Variants in KCNAB1 observed in about 807,000 individuals in gnomAD.
KCNAB1 encodes the protein voltage-gated potassium channel subunit beta-1.
Under a neutral mutation model 64.6 loss-of-function variants are expected in KCNAB1, and 35 were observed. The observed-to-expected ratio is 0.54, with a 90% CI of 0.41 to 0.72. The LOEUF (loss-of-function observed/expected upper bound fraction) is 0.72. KCNAB1 is among the 30% of genes least tolerant of loss of function. The probability of loss-of-function intolerance (pLI) is 0.00; values close to 1 mark genes in which losing one functional copy is unlikely to be tolerated. For synonymous variants in KCNAB1, 177 were observed against 183.8 expected, an observed-to-expected ratio of 0.96 and a Z score of 0.30; for missense variants, 401 against 512.9, an observed-to-expected ratio of 0.78 and a Z score of 2.11.
At chr3:156,129,897 T>C (rs1450638034) in intron 1 of KCNAB1, among the ~76,000 whole-genome samples, 1 of 152,204 alleles carries the variant, frequency 6.6e-6, no homozygotes, top group Non-Finnish European at 1.5e-5. Flanking sequence ...TTTTCATTCA[T>C]ACCCTGATTT....
At chr3:156,517,119 G>A (rs577693569) in intron 11 of KCNAB1, among the ~76,000 whole-genome samples, 71 of 152,272 alleles carry the variant, frequency 4.7e-4, no homozygotes, top group African/African-American at 1.7e-3. Context: ...GAGAATACAG[G>A]CATTTAAAAA....
At chr3:156,533,639 T>C (rs1718854072) in intron 13 of KCNAB1, among the ~76,000 whole-genome samples, 1 of 151,940 alleles carries the variant, frequency 6.6e-6, no homozygotes, top group Admixed American at 6.6e-5. Context: ...TAAAGTAGAA[T>C]GAAGGGCAAG....
intron 1 of KCNAB1, among the ~76,000 whole-genome samples, chr3:156,288,821 A>C (rs1720235850): frequency 6.6e-6 from 1 of 152,240 alleles, no homozygotes. Flanking sequence ...CACTCCTTTC[A>C]AGTGAGCTGG....
intron 8 of KCNAB1, among the ~76,000 whole-genome samples, chr3:156,491,415 C>T (rs1363766636): frequency 6.6e-6 from 1 of 151,914 alleles, no homozygotes; most frequent in African/African-American, 2.4e-5. Flanking sequence ...ATTTGGAGCT[C>T]GGCTGTAGCT....
chr3:156,248,879 C>T (rs533197855), intron 1 of KCNAB1, among the ~76,000 whole-genome samples: 34 of 152,124 alleles, frequency 2.2e-4, no homozygotes, highest in Admixed American at 7.2e-4. Context: ...TCCAGGTGGC[C>T]GAGTGTAGAG....
At chr3:156,165,406 T>G (rs534576070) in intron 1 of KCNAB1, among the ~76,000 whole-genome samples, 5 of 151,662 alleles carry the variant, frequency 3.3e-5, no homozygotes, top group Non-Finnish European at 7.4e-5. Flanking sequence ...GCCTGTGATA[T>G]TGTGTGTGGT....
intron 8 of KCNAB1, among the ~76,000 whole-genome samples, chr3:156,503,814 G>A (rs960104575): frequency 4.5e-4 from 68 of 152,094 alleles, no homozygotes; most frequent in African/African-American, 1.4e-3. Context: ...GGAGCACAGT[G>A]TGATATTTTG....
chr3:156,390,277 G>T (rs561335085), intron 1 of KCNAB1, among the ~76,000 whole-genome samples: 1 of 152,302 alleles, frequency 6.6e-6, no homozygotes, highest in South Asian at 2.1e-4. Flanking sequence ...GAATGGAGAG[G>T]CAGGAATGCC....
intron 8 of KCNAB1, among the ~76,000 whole-genome samples, chr3:156,480,654 G>C (rs1242150046): frequency 1.3e-5 from 2 of 151,986 alleles, no homozygotes; most frequent in Non-Finnish European, 2.9e-5. Flanking sequence ...AGTTACTAAT[G>C]GCATATATTA....
At chr3:156,291,941 T>G (rs1227365950) in intron 1 of KCNAB1, 3 of 1,614,122 alleles carry the variant, frequency 1.9e-6, no homozygotes, top group Non-Finnish European at 2.5e-6. Context: ...AGAGCACAAT[T>G]TGAAGAGTCG....
At chr3:156,303,882 A>G (rs962131714) in intron 1 of KCNAB1, among the ~76,000 whole-genome samples, 1 of 152,228 alleles carries the variant, frequency 6.6e-6, no homozygotes, top group Non-Finnish European at 1.5e-5. Context: ...ATGTTGGTTC[A>G]TGTTGACAGT....
At chr3:156,184,907 G>T (rs1459254861) in intron 1 of KCNAB1, among the ~76,000 whole-genome samples, 1 of 152,072 alleles carries the variant, frequency 6.6e-6, no homozygotes, top group East Asian at 1.9e-4. Context: ...AACATGCCAG[G>T]CTCCAGATCC....
chr3:156,367,589 T>C (rs1357830043), intron 1 of KCNAB1, among the ~76,000 whole-genome samples: 1 of 152,200 alleles, frequency 6.6e-6, no homozygotes, highest in Non-Finnish European at 1.5e-5. Flanking sequence ...AATTCAAAAA[T>C]TGCAGCTGGT....
intron 1 of KCNAB1, chr3:156,176,361 G>C: frequency 1.2e-6 from 1 of 800,426 alleles, no homozygotes; most frequent in Non-Finnish European, 2.3e-6. Context: ...GAAATGTTTA[G>C]ATGGCTGCTT....
intron 1 of KCNAB1, among the ~76,000 whole-genome samples, chr3:156,189,591 C>T (rs1244714816): frequency 1.3e-5 from 2 of 152,174 alleles, no homozygotes; most frequent in African/African-American, 2.4e-5. Context: ...TAATCTTTTG[C>T]ATCTCCTGTT....
chr3:156,403,865 G>T (rs1487777745), intron 1 of KCNAB1, among the ~76,000 whole-genome samples: 3 of 150,484 alleles, frequency 2.0e-5, no homozygotes, highest in Non-Finnish European at 4.4e-5. Context: ...TTGCACTCCA[G>T]CCTGGGTGAC....
At chr3:156,185,509 TG>T (rs1713130182) in intron 1 of KCNAB1, among the ~76,000 whole-genome samples, 1 of 152,178 alleles carries the variant, frequency 6.6e-6, no homozygotes, top group South Asian at 2.1e-4. Flanking sequence ...CACTTTTATG[TG>T]GTATGGAAGA....
chr3:156,436,330 G>T (rs1716584901), intron 2 of KCNAB1, among the ~76,000 whole-genome samples: 1 of 152,090 alleles, frequency 6.6e-6, no homozygotes, highest in Non-Finnish European at 1.5e-5. Context: ...TGGGCATTTG[G>T]GTTGACTCTG....
intron 1 of KCNAB1, among the ~76,000 whole-genome samples, chr3:156,246,307 G>A (rs1717447695): frequency 6.6e-6 from 1 of 152,086 alleles, no homozygotes; most frequent in Non-Finnish European, 1.5e-5. Context: ...GCAACATCTA[G>A]TCTAAAAGTT....
Sources: gnomAD v4.1 joint callset for allele counts (sites outside exome capture counted in the v4.1 genomes callset) on GRCh38, gnomAD v4.1.1 for gene constraint, MANE v1.5 for transcripts, NCBI Gene and HGNC (gene_info 2026-07-23, HGNC 2026-07-21) for gene names.